Variants in FANCL observed in about 807,000 individuals in gnomAD.
FANCL encodes the protein E3 ubiquitin-protein ligase FANCL.
Under a neutral mutation model 59.4 loss-of-function variants are expected in FANCL, and 69 were observed. That is an observed-to-expected ratio of 1.16 (90% confidence interval 0.96 to 1.42). The LOEUF is 1.42. FANCL is among the 40% of genes most tolerant of loss of function. The pLI is 0.00. For missense variants in FANCL, 519 were observed against 447.2 expected, an observed-to-expected ratio of 1.16 and a Z score of -1.45; for synonymous variants, 180 against 147.1, an observed-to-expected ratio of 1.22 and a Z score of -1.62.
At chr2:58,194,197 T>G (rs1008737637) in intron 7 of FANCL, 2 of 470,860 alleles carry the variant, frequency 4.2e-6, no homozygotes, top group Non-Finnish European at 4.4e-6. Flanking sequence ...GCAAGAATAC[T>G]TCACCAAGCC....
chr2:58,170,415 C>T (rs1198079227), intron 7 of FANCL, among the ~76,000 whole-genome samples: 2 of 152,104 alleles, frequency 1.3e-5, no homozygotes, highest in African/African-American at 4.8e-5. Flanking sequence ...AAAACCAGTA[C>T]CAGCCACTGC....
chr2:58,223,734 C>T (rs556816235), intron 4 of FANCL, among the ~76,000 whole-genome samples: 1 of 151,982 alleles, frequency 6.6e-6, no homozygotes, highest in Admixed American at 6.5e-5. Flanking sequence ...AATAACCTAC[C>T]ACTTAGGATT....
chr2:58,210,474 G>A (rs1691030643), intron 5 of FANCL, among the ~76,000 whole-genome samples: 2 of 152,040 alleles, frequency 1.3e-5, no homozygotes, highest in Admixed American at 1.3e-4. Context: ...ACTTGGGTAG[G>A]GACACAGAGT....
chr2:58,192,809 C>A (rs145207067), intron 7 of FANCL, among the ~76,000 whole-genome samples: 412 of 151,834 alleles, frequency 2.7e-3, no homozygotes, highest in Non-Finnish European at 3.6e-3. Context: ...GTGTTTGCCC[C>A]TGGAGAAACA....
chr2:58,189,653 A>C (rs1688734280), intron 7 of FANCL, among the ~76,000 whole-genome samples: 1 of 152,134 alleles, frequency 6.6e-6, no homozygotes, highest in Non-Finnish European at 1.5e-5. Flanking sequence ...TGTAACGCTT[A>C]TTATCTTTAA....
At chr2:58,227,791 C>A (rs1230851561) in intron 3 of FANCL, among the ~76,000 whole-genome samples, 1 of 152,144 alleles carries the variant, frequency 6.6e-6, no homozygotes. Flanking sequence ...GGGGGTGGAG[C>A]CCTCACCAGG....
intron 11 of FANCL, 85 bp from the exon 12 acceptor site, chr2:58,161,723 T>C: frequency 3.6e-6 from 3 of 823,620 alleles, no homozygotes; most frequent in Non-Finnish European, 6.2e-6. Flanking sequence ...GTGTGATATT[T>C]TGATACATGT....
intron 7 of FANCL, among the ~76,000 whole-genome samples, chr2:58,167,801 C>A (rs777659238): frequency 8.5e-5 from 13 of 152,166 alleles, no homozygotes; most frequent in African/African-American, 2.2e-4. Flanking sequence ...AAAGAAAGAT[C>A]AAAAATGTGA....
chr2:58,171,862 G>C (rs889759284), intron 7 of FANCL, among the ~76,000 whole-genome samples: 1 of 152,082 alleles, frequency 6.6e-6, no homozygotes, highest in East Asian at 1.9e-4. Flanking sequence ...TCAAAGAAAG[G>C]GGTGACAGAC....
At chr2:58,184,738 G>T (rs1229296690) in intron 7 of FANCL, among the ~76,000 whole-genome samples, 1 of 152,022 alleles carries the variant, frequency 6.6e-6, no homozygotes, top group Non-Finnish European at 1.5e-5. Context: ...TCAAGTTAAT[G>T]CAGAAGCCTC....
At chr2:58,223,443 T>C (rs1414096738) in intron 4 of FANCL, among the ~76,000 whole-genome samples, 3 of 151,970 alleles carry the variant, frequency 2.0e-5, no homozygotes, top group Non-Finnish European at 2.9e-5. Flanking sequence ...TTCACAAAAA[T>C]TGAAGGTAAA....
chr2:58,191,186 T>C (rs1688886322), intron 7 of FANCL, among the ~76,000 whole-genome samples: 1 of 151,760 alleles, frequency 6.6e-6, no homozygotes, highest in Non-Finnish European at 1.5e-5. Context: ...AGAGTCCCTG[T>C]CAGGAACAAA....
intron 4 of FANCL, among the ~76,000 whole-genome samples, chr2:58,223,635 C>T (rs981593500): frequency 6.6e-6 from 1 of 151,938 alleles, no homozygotes; most frequent in Non-Finnish European, 1.5e-5. Flanking sequence ...AGCGGAAAGG[C>T]TTCACAAACA....
At chr2:58,184,485 T>C (rs1346581515) in intron 7 of FANCL, among the ~76,000 whole-genome samples, 3 of 152,042 alleles carry the variant, frequency 2.0e-5, no homozygotes, top group African/African-American at 7.2e-5. Flanking sequence ...ACAGCTTAAA[T>C]ACAGTGAAGA....
chr2:58,169,733 C>G lies in FANCL; in HGVS notation c.541-3859G>C, dbSNP rs1426581155. 2.0e-5 allele frequency among the ~76,000 whole-genome samples: 3 copies of G among 151,828 alleles called. No individual in the cohort carries two copies. The East Asian group carries it at 5.8e-4, about 29-fold the overall frequency. On this transcript the variant is annotated intron_variant, in intron 7 of 13. Coordinates refer to ENST00000233741, the MANE Select transcript of FANCL (RefSeq NM_018062.4). Reference sequence around the variant, plus strand: ...AATGACCTGATGAAGCTGAAAAACACAGCACGAGAACTTTGTGAAGCATAC... The same window carrying G: ...AATGACCTGATGAAGCTGAAAAACAGAGCACGAGAACTTTGTGAAGCATAC...
At chr2:58,204,425 G>C (rs1180812474) in intron 5 of FANCL, among the ~76,000 whole-genome samples, 199 bp from the exon 6 acceptor site, 1 of 152,104 alleles carries the variant, frequency 6.6e-6, no homozygotes, top group Non-Finnish European at 1.5e-5. Flanking sequence ...ACTTAATGCA[G>C]TCATATATCT....
In FANCL at chr2:58,241,269, A is replaced by C; in HGVS notation, c.45T>G (p.Leu15=). 6.2e-7 allele frequency: 1 copy of C among 1,614,266 alleles called. No individual in the cohort carries two copies. Among genetic ancestry groups the C allele is most frequent in the Non-Finnish European group, 8.5e-7 (1 of 1,180,040 alleles). The change falls in exon 1 of 14, where the codon CTT becomes CTG. Residue 15 remains leucine, a synonymous_variant. Coordinates refer to ENST00000233741, the MANE Select transcript of FANCL (RefSeq NM_018062.4). ...CGGTTTTCGACCGGTTCTGGGGCAG[A>C]AGCAGGGGGCACTGGCGCAACAGGC... The part of the protein sequence containing the change: ...EASLLRQCPL[L]LPQNRSKTVY...
At chr2:58,183,242 T>C (rs1367359909) in intron 7 of FANCL, among the ~76,000 whole-genome samples, 1 of 151,730 alleles carries the variant, frequency 6.6e-6, no homozygotes, top group Non-Finnish European at 1.5e-5. Context: ...CCCTAAAAAG[T>C]ATATACACGA....
intron 11 of FANCL, among the ~76,000 whole-genome samples, chr2:58,162,244 A>G (rs1328823454): frequency 6.6e-6 from 1 of 151,954 alleles, no homozygotes; most frequent in Non-Finnish European, 1.5e-5. Context: ...TTTTTGCAGT[A>G]TAGTGGTATC....
Sources: allele counts gnomAD v4.1 joint callset (sites outside exome capture counted in the v4.1 genomes callset), GRCh38; gene constraint gnomAD v4.1.1; transcripts MANE v1.5; gene names NCBI Gene and HGNC (gene_info 2026-07-23, HGNC 2026-07-21).